ABHD4: variants seen among roughly 807,000 people sequenced by gnomAD.
ABHD4 encodes (Lyso)-N-acylphosphatidylethanolamine lipase.
Under a neutral mutation model 42.3 loss-of-function variants are expected in ABHD4, and 35 were observed. The observed-to-expected ratio is 0.83, with a 90% CI of 0.63 to 1.10. The LOEUF is 1.10. ABHD4 is among the 50% of genes least tolerant of loss of function. The probability of loss-of-function intolerance (pLI) is 0.00; values close to 1 mark genes in which losing one functional copy is unlikely to be tolerated. For synonymous variants in ABHD4, 169 were observed against 170.6 expected (o/e 0.99, Z 0.07); for missense variants, 389 against 454.8 (o/e 0.86, Z 1.32).
Position 22,611,215 on chromosome 14 carries a change from G to C in ABHD4, c.*267G>C, listed in dbSNP as rs2037411946. 2 of 440,272 alleles carry C rather than the reference G, an allele frequency of 4.5e-6. No individual in the cohort carries two copies. The highest frequency in any genetic ancestry group is 3.9e-5 in the African/African-American group (2 of 50,750). The allele number at this position is 440,272 out of a possible 1,614,324, so 27.3% of individuals were successfully genotyped here. A position where few individuals can be genotyped will look rare whatever the true frequency, so the allele number is the denominator to read the frequency against. On this transcript the variant is annotated 3_prime_UTR_variant, in exon 7 of 7. Coordinates refer to ENST00000428304, the MANE Select transcript of ABHD4 (RefSeq NM_022060.3). ...ATGCCACCCATCCACTCCTTGCCAAGTGTTACCCAGATGGTGGAGGATGTG... is the reference window on the plus strand; with the variant it reads ...ATGCCACCCATCCACTCCTTGCCAACTGTTACCCAGATGGTGGAGGATGTG...
In ABHD4 at chr14:22,603,476, G is replaced by GC; in HGVS notation, c.199_200insC (p.Asp67AlafsTer55). On this transcript the variant is annotated frameshift_variant, in exon 3 of 7. Coordinates refer to ENST00000428304, the MANE Select transcript of ABHD4 (RefSeq NM_022060.3). LOFTEE classifies it high-confidence loss of function. The stretch of plus-strand genomic sequence containing the variant: ...GGTGACTGTGAGCCCCGAGCAAAAC[G>GC]ACCGCACCCCCTTGGTGATGGTGCA... The GC allele has an allele frequency of 6.2e-7, 1 of 1,614,120 alleles. No homozygotes were observed. Among genetic ancestry groups the GC allele is most frequent in the Non-Finnish European group, 8.5e-7 (1 of 1,180,016 alleles).
At chr14:22,610,337 C>T (rs1011785776) in intron 6 of ABHD4, among the ~76,000 whole-genome samples, 5 of 152,148 alleles carry the variant, frequency 3.3e-5, no homozygotes, top group Admixed American at 6.5e-5. Context: ...TATTGTACTA[C>T]CTTCATTAGG....
Position 22,612,789 on chromosome 14 carries a change from C to T in ABHD4, c.*1841C>T, listed in dbSNP as rs1035424398. The stretch of plus-strand genomic sequence containing the variant: ...TTCCCCTGATTCCCTAAACTAGACT[C>T]GGACCCCTCTGTTCTGCATCTCTGT... On this transcript the variant is annotated 3_prime_UTR_variant, in exon 7 of 7. Coordinates refer to ENST00000428304, the MANE Select transcript of ABHD4 (RefSeq NM_022060.3). 2.6e-5 allele frequency: 4 copies of T among 152,216 alleles called. No individual in the cohort carries two copies. Among genetic ancestry groups the T allele is most frequent in the Admixed American group, 6.5e-5 (1 of 15,282 alleles). The allele number at this position is 152,216 out of a possible 1,614,324, so 9.4% of individuals were successfully genotyped here.
chr14:22,603,614 T>C lies in ABHD4; in HGVS notation c.337T>C (p.Phe113Leu). 6.2e-7 allele frequency: 1 copy of C among 1,614,184 alleles called. No individual in the cohort carries two copies. The highest frequency in any genetic ancestry group is 1.6e-4 in the Middle Eastern group (1 of 6,062). ...LGFGRSSRPA[F>L]PRDPEGAEDE... is the part of the protein sequence containing the mutation. ...CTTCGGGCGAAGCTCAAGGCCAGCA[T>C]TCCCAAGGGACCCGGAGGGGGCTGA... is the stretch of plus-strand genomic sequence containing the variant. Residue 113 changes from phenylalanine to leucine, a missense_variant, in exon 3 of 7, where the codon TTC becomes CTC. Physicochemically the swap from Phe to Leu is conservative, Grantham distance 22 (BLOSUM62 0). Coordinates refer to ENST00000428304, the MANE Select transcript of ABHD4 (RefSeq NM_022060.3).
At chr14:22,610,126 C>T (rs531995191) in intron 6 of ABHD4, among the ~76,000 whole-genome samples, 16 of 152,032 alleles carry the variant, frequency 1.1e-4, no homozygotes, top group African/African-American at 2.7e-4. Flanking sequence ...GGTACAATCT[C>T]GGCTCACTGC....
intron 2 of ABHD4, among the ~76,000 whole-genome samples, chr14:22,602,539 C>T (rs1345917351): frequency 6.6e-6 from 1 of 152,122 alleles, no homozygotes; most frequent in African/African-American, 2.4e-5. Context: ...GTCTCTCACC[C>T]GAGGCTCAGT....
Position 22,611,175 on chromosome 14 carries a change from A to G in ABHD4, c.*227A>G. On this transcript the variant is annotated 3_prime_UTR_variant, in exon 7 of 7. Coordinates refer to ENST00000428304, the MANE Select transcript of ABHD4 (RefSeq NM_022060.3). ...TTGAGTGCCACCCCCAGGGAAGAACATAAAGGGTTGCACAATGCCACCCAT... is the reference window on the plus strand; with the variant it reads ...TTGAGTGCCACCCCCAGGGAAGAACGTAAAGGGTTGCACAATGCCACCCAT... 2 of 540,786 alleles carry G rather than the reference A, an allele frequency of 3.7e-6. No homozygotes were observed. Among genetic ancestry groups the G allele is most frequent in the South Asian group, 2.2e-5 (1 of 46,216 alleles). 33.5% of individuals were successfully genotyped at this position (540,786 alleles called of 1,614,324 possible). A position where few individuals can be genotyped will look rare whatever the true frequency, so the allele number is the denominator to read the frequency against.
At chr14:22,600,265 A>G (rs2037266644) in intron 1 of ABHD4, 1 of 445,930 alleles carries the variant, frequency 2.2e-6, no homozygotes, top group Non-Finnish European at 4.5e-6. Flanking sequence ...GAAAACAGAC[A>G]TAAATGTAAA....
At position 22,606,550 on chromosome 14, in the gene ABHD4, AGGCC is replaced by A; in HGVS notation, c.752+18_752+21del. On this transcript the variant is annotated intron_variant, in intron 5 of 6. Transcript: ENST00000428304. ...GAATCCCAGGTGAGGGCCGCTCCCC[AGGCC>A]AGCTTGGGGCAGACAGTTGTTAGGA... 2 of 1,570,342 alleles carry A rather than the reference AGGCC, an allele frequency of 1.3e-6. No individual in the cohort carries two copies. Among genetic ancestry groups the A allele is most frequent in the Non-Finnish European group, 1.7e-6 (2 of 1,143,342 alleles).
At position 22,609,800 on chromosome 14, in the gene ABHD4, A is replaced by G. The variant is rs1395817526; in HGVS notation, c.829A>G (p.Ile277Val). The change falls in exon 6 of 7, where the codon ATT becomes GTT. Residue 277 changes from isoleucine to valine, a missense_variant. Physicochemically the swap from Ile to Val is conservative, Grantham distance 29 (BLOSUM62 3). Transcript: ENST00000428304. ...CCCTATGCTGGAGCGAATTCACTTGATTCGAAAAGATGTGCCTATCACTAT... is the reference window on the plus strand; with the variant it reads ...CCCTATGCTGGAGCGAATTCACTTGGTTCGAAAAGATGTGCCTATCACTAT... ...RRPMLERIHL[I>V]RKDVPITMIY... is the part of the protein sequence containing the mutation. The G allele has an allele frequency of 6.2e-7, 1 of 1,614,146 alleles. No homozygotes were observed. The highest frequency in any genetic ancestry group is 1.1e-5 in the South Asian group (1 of 91,082).
chr14:22,606,177 C>T (rs1030052847), intron 4 of ABHD4, among the ~76,000 whole-genome samples: 4 of 152,152 alleles, frequency 2.6e-5, no homozygotes, highest in Admixed American at 2.0e-4. Flanking sequence ...AACAACCTGG[C>T]TCCTCAGTGT....
intron 4 of ABHD4, 164 bp downstream of exon 4, chr14:22,604,243 G>A: frequency 1.2e-6 from 1 of 859,644 alleles, no homozygotes. Context: ...AAGGTTTTTT[G>A]TTTTTTTGTT....
chr14:22,611,276 G>A lies in ABHD4; in HGVS notation c.*328G>A, dbSNP rs1212790862. Reference sequence around the variant, plus strand: ...ACCAAGCCACATTCACTCTCTCTGTGGCCTTTCTTCCTCTGGGCAAAGAAG... The same window carrying A: ...ACCAAGCCACATTCACTCTCTCTGTAGCCTTTCTTCCTCTGGGCAAAGAAG... On this transcript the variant is annotated 3_prime_UTR_variant, in exon 7 of 7. Coordinates refer to ENST00000428304, the MANE Select transcript of ABHD4 (RefSeq NM_022060.3). The A allele has an allele frequency of 7.3e-6, 2 of 274,558 alleles. No homozygotes were observed. Among genetic ancestry groups the A allele is most frequent in the Non-Finnish European group, 1.4e-5 (2 of 140,352 alleles). The allele number at this position is 274,558 out of a possible 1,614,324, so 17.0% of individuals were successfully genotyped here.
In ABHD4 at chr14:22,605,987, C is replaced by T. The variant is rs75054041; in HGVS notation, c.641-435C>T. On this transcript the variant is annotated intron_variant, in intron 4 of 6. Coordinates refer to ENST00000428304, the MANE Select transcript of ABHD4 (RefSeq NM_022060.3). ...TCTAATACAGGCCTGAAAATGAGAG[C>T]GCTGTCGGGAGGTGGTCTAGTTCCA... 1.3e-3 allele frequency: 647 copies of T among 510,468 alleles called. 4 individuals are homozygous for T. The highest frequency in any genetic ancestry group is 0.012 in the African/African-American group (596 of 50,960). 31.6% of individuals were successfully genotyped at this position (510,468 alleles called of 1,614,324 possible). A position where few individuals can be genotyped will look rare whatever the true frequency, so the allele number is the denominator to read the frequency against.
chr14:22,604,128 A>G, intron 4 of ABHD4, 49 bp downstream of exon 4: 1 of 1,594,248 alleles, frequency 6.3e-7, no homozygotes, highest in Non-Finnish European at 8.6e-7. Context: ...ACGTTCTAGA[A>G]GGCCCACAGT....
chr14:22,608,982 G>A lies in ABHD4; in HGVS notation c.753-742G>A, dbSNP rs139908949. On this transcript the variant is annotated intron_variant, in intron 5 of 6. Transcript: ENST00000428304. ...CCCAAAGTGCTGGGATTATAGGCAT[G>A]AGCCTCCATGCCTGGCTGTTCGTTT... is the stretch of plus-strand genomic sequence containing the variant. Among the ~76,000 whole-genome samples the A allele has an allele frequency of 2.8e-3, 413 of 146,446 alleles. 1 individual carries two copies. The highest frequency in any genetic ancestry group is 9.7e-3 in the African/African-American group (393 of 40,378).
Position 22,610,999 on chromosome 14 carries a change from C to T in ABHD4, c.*51C>T. On this transcript the variant is annotated 3_prime_UTR_variant, in exon 7 of 7. Coordinates refer to ENST00000428304, the MANE Select transcript of ABHD4 (RefSeq NM_022060.3). ...AAAGCCAGAGAGTCACTCTTACCTC[C>T]CTGTCTGCTTACTCACCCACTCTGT... The T allele has an allele frequency of 6.6e-7, 1 of 1,521,096 alleles. No homozygotes were observed. Among genetic ancestry groups the T allele is most frequent in the Non-Finnish European group, 9.1e-7 (1 of 1,097,898 alleles). 94.2% of individuals were successfully genotyped at this position (1,521,096 alleles called of 1,614,324 possible).
intron 1 of ABHD4, chr14:22,598,840 T>TTTATAC: frequency 1.7e-5 from 2 of 118,044 alleles, no homozygotes; most frequent in Non-Finnish European, 1.8e-5. Flanking sequence ...TTTCTTTAGC[T>TTTATAC]GTCGCCCACC....
At chr14:22,604,857 G>T (rs746864667) in intron 4 of ABHD4, among the ~76,000 whole-genome samples, 1 of 152,042 alleles carries the variant, frequency 6.6e-6, no homozygotes, top group South Asian at 2.1e-4. Context: ...TGATCCATCC[G>T]CATCAGCCTC....
Sources: allele counts gnomAD v4.1 joint callset (sites outside exome capture counted in the v4.1 genomes callset), GRCh38; gene constraint gnomAD v4.1.1; transcripts MANE v1.5; gene names NCBI Gene and HGNC (gene_info 2026-07-23, HGNC 2026-07-21).